PRKN: variants seen among roughly 807,000 people sequenced by gnomAD.
PRKN encodes parkin RBR E3 ubiquitin protein ligase.
In PRKN, 56 loss-of-function variants were observed where a neutral mutation model predicts 59.5. That is an observed-to-expected ratio of 0.94 (90% CI 0.76 to 1.18). The LOEUF is 1.18. Among genes scored for constraint, PRKN ranks in the 50% most tolerant of loss-of-function variants. PRKN has a pLI of 0.00. For synonymous variants in PRKN, 250 were observed against 222.1 expected (o/e 1.13, Z -1.12); for missense variants, 657 against 596.4 (o/e 1.10, Z -1.06).
intron 4 of PRKN, among the ~76,000 whole-genome samples, chr6:162,193,813 C>T (rs965475336): frequency 2.0e-5 from 3 of 152,110 alleles, no homozygotes; most frequent in African/African-American, 7.2e-5. Context: ...CTCTTCAGGT[C>T]CCCTCCTGGC....
chr6:161,679,945 G>A (rs528431398), intron 7 of PRKN, among the ~76,000 whole-genome samples: 11 of 151,464 alleles, frequency 7.3e-5, no homozygotes, highest in East Asian at 3.9e-4. Context: ...TAGTAGAGAC[G>A]GGGTTTCACC....
chr6:161,462,939 C>T lies in PRKN; in HGVS notation c.1084-76062G>A, dbSNP rs955182344. The stretch of plus-strand genomic sequence containing the variant: ...GGTAGAGCACTTAGTATTAACAAGG[C>T]ACTACAGTAGGCTATAGGGGCATGA... On this transcript the variant is annotated intron_variant, in intron 9 of 11. Transcript: ENST00000366898. The surrounding 1 kb of genome is among the most constrained non-coding windows in gnomAD (Gnocchi z 4.5). Among the ~76,000 whole-genome samples the T allele has an allele frequency of 2.6e-5, 4 of 152,096 alleles. No homozygotes were observed. The highest frequency in any genetic ancestry group is 7.2e-5 in the African/African-American group (3 of 41,406).
intron 3 of PRKN, among the ~76,000 whole-genome samples, chr6:162,210,686 A>C (rs1785165309): frequency 6.6e-6 from 1 of 152,154 alleles, no homozygotes. Flanking sequence ...TTTTTCTAGA[A>C]TCATATTTGT....
chr6:162,205,152 C>G (rs879474530), intron 3 of PRKN, among the ~76,000 whole-genome samples: 1 of 152,132 alleles, frequency 6.6e-6, no homozygotes, highest in Admixed American at 6.6e-5. Context: ...TGAGCCACCA[C>G]GCCCGGCCAA....
chr6:162,275,520 C>T (rs147124087), intron 2 of PRKN: 5 of 152,268 alleles, frequency 3.3e-5, no homozygotes, highest in African/African-American at 1.2e-4. Flanking sequence ...GTGCGAGGCT[C>T]ATGCCTGTAA....
intron 1 of PRKN, among the ~76,000 whole-genome samples, chr6:162,711,299 C>T (rs968903369): frequency 1.3e-5 from 2 of 152,082 alleles, no homozygotes; most frequent in African/African-American, 4.8e-5. Flanking sequence ...TAGGACTACA[C>T]ATTTTGAAAA....
intron 7 of PRKN, among the ~76,000 whole-genome samples, chr6:161,779,651 G>T (rs1399998090): frequency 6.6e-6 from 1 of 151,580 alleles, no homozygotes; most frequent in Non-Finnish European, 1.5e-5. Flanking sequence ...CATCATGTTG[G>T]CCTGGCTGGT....
At chr6:162,500,637 A>C (rs1000514012) in intron 1 of PRKN, among the ~76,000 whole-genome samples, 10 of 152,234 alleles carry the variant, frequency 6.6e-5, no homozygotes, top group Admixed American at 2.6e-4. Flanking sequence ...CTCTTTTCTT[A>C]CAATGGCTTA....
chr6:162,010,513 T>A (rs868163106), intron 5 of PRKN, among the ~76,000 whole-genome samples: 679 of 14,480 alleles, frequency 0.047, 83 homozygotes, highest in Non-Finnish European at 0.053. Flanking sequence ...TATATTATAT[T>A]ATATATTATA....
At chr6:162,422,774 G>A (rs951869878) in intron 2 of PRKN, among the ~76,000 whole-genome samples, 4 of 151,888 alleles carry the variant, frequency 2.6e-5, no homozygotes, top group Non-Finnish European at 4.4e-5. Flanking sequence ...GTGAAACCCT[G>A]TCTCTACTAA....
Position 162,225,947 on chromosome 6 carries a change from A to G in PRKN, c.413-24695T>C, listed in dbSNP as rs547247898. The stretch of plus-strand genomic sequence containing the variant: ...TATACTTCTATTATTTTATTATTTT[A>G]TTTCCTAAACATATATGTTTAGGAA... On this transcript the variant is annotated intron_variant, in intron 3 of 11. Transcript: ENST00000366898. Among the ~76,000 whole-genome samples, 399 of 147,054 alleles carry G rather than the reference A, an allele frequency of 2.7e-3. 2 individuals are homozygous for G. The highest frequency in any genetic ancestry group is 9.5e-3 in the African/African-American group (383 of 40,476).
At position 161,484,446 on chromosome 6, in the gene PRKN, G is replaced by A. The variant is rs1002794159; in HGVS notation, c.1083+64408C>T. Among the ~76,000 whole-genome samples the A allele has an allele frequency of 1.1e-4, 17 of 152,204 alleles. No individual in the cohort carries two copies. The highest frequency in any genetic ancestry group is 7.8e-4 in the Admixed American group (12 of 15,288). On this transcript the variant is annotated intron_variant, in intron 9 of 11. Coordinates refer to ENST00000366898, the MANE Select transcript of PRKN (RefSeq NM_004562.3). The surrounding 1 kb of genome is among the most constrained non-coding windows in gnomAD (Gnocchi z 4.9). ...CTGGGTACGTTACGTGTTAGGGAGCGTCCCAAGTGCTTAGTAAGCATCGAT... is the reference window on the plus strand; with the variant it reads ...CTGGGTACGTTACGTGTTAGGGAGCATCCCAAGTGCTTAGTAAGCATCGAT...
chr6:161,948,798 C>T (rs535286437), intron 6 of PRKN, among the ~76,000 whole-genome samples: 162 of 152,258 alleles, frequency 1.1e-3, no homozygotes, highest in African/African-American at 3.8e-3. Context: ...TCAGTAAGGG[C>T]ACATCTGAGT....
At chr6:161,829,356 T>C (rs917848429) in intron 6 of PRKN, among the ~76,000 whole-genome samples, 2 of 152,238 alleles carry the variant, frequency 1.3e-5, no homozygotes, top group Non-Finnish European at 2.9e-5. Flanking sequence ...AGGGCTTTCT[T>C]CCAAGTAGAC....
chr6:162,471,313 G>T (rs1283244026), intron 1 of PRKN, among the ~76,000 whole-genome samples: 1 of 151,854 alleles, frequency 6.6e-6, no homozygotes, highest in South Asian at 2.1e-4. Context: ...GGCCAGGCTG[G>T]TCTCGAACTC....
chr6:161,420,180 G>A (rs1356739812), intron 9 of PRKN, among the ~76,000 whole-genome samples: 2 of 151,134 alleles, frequency 1.3e-5, no homozygotes, highest in Non-Finnish European at 2.9e-5. Context: ...AGAGGTTGCA[G>A]TGAGCCGAGA....
chr6:161,912,346 ATCT>A (rs1168575928), intron 6 of PRKN, among the ~76,000 whole-genome samples: 1 of 152,060 alleles, frequency 6.6e-6, no homozygotes, highest in Non-Finnish European at 1.5e-5. Flanking sequence ...AGCAGAAATA[ATCT>A]TCTTGTAGTC....
intron 6 of PRKN, among the ~76,000 whole-genome samples, chr6:161,808,571 G>A (rs180783467): frequency 6.6e-6 from 1 of 152,098 alleles, no homozygotes; most frequent in African/African-American, 2.4e-5. Flanking sequence ...GTTATAAAGG[G>A]TGTTCTTAAT....
At chr6:162,583,973 G>A (rs1387497986) in intron 1 of PRKN, among the ~76,000 whole-genome samples, 1 of 152,108 alleles carries the variant, frequency 6.6e-6, no homozygotes, top group Non-Finnish European at 1.5e-5. Context: ...CAGCACTTTG[G>A]GAGGCTGAGG....
Sources: allele counts gnomAD v4.1 joint callset (sites outside exome capture counted in the v4.1 genomes callset), GRCh38; gene constraint gnomAD v4.1.1; non-coding constraint Gnocchi (gnomAD v3.1); transcripts MANE v1.5; gene names NCBI Gene and HGNC (gene_info 2026-07-23, HGNC 2026-07-21).